Variants in PDCL2 observed in about 807,000 individuals in gnomAD.
The protein encoded by PDCL2 is phosducin like 2.
A neutral mutation model predicts 30.3 loss-of-function variants in PDCL2; 23 were observed. That is an observed-to-expected ratio of 0.76 (90% CI 0.55 to 1.08). The LOEUF is 1.08. Ranked by LOEUF, PDCL2 falls within the 50% of genes least tolerant of loss-of-function variation. The pLI, the probability that PDCL2 is intolerant of heterozygous loss-of-function variation, is 0.00. For missense variants in PDCL2, 243 were observed against 282.3 expected (o/e 0.86, Z 1.00); for synonymous variants, 68 against 86.2 (o/e 0.79, Z 1.17).
At position 55,578,705 on chromosome 4, in the gene PDCL2, T is replaced by C. The variant is rs940916931; in HGVS notation, c.218+2116A>G. Among the ~76,000 whole-genome samples, 7 of 152,252 alleles carry C rather than the reference T, an allele frequency of 4.6e-5. No individual in the cohort carries two copies. The East Asian group carries it at 1.4e-3, about 29-fold the overall frequency. ...GTGATATGTCCTTCTCAGTACAACA[T>C]ACCAGGGGTTACTTGATCACCTCCC... On this transcript the variant is annotated intron_variant, in intron 3 of 5. Transcript: ENST00000295645.
At position 55,562,425 on chromosome 4, in the gene PDCL2, C is replaced by T; in HGVS notation, c.550G>A (p.Gly184Arg). ...AKFIGIIECGGINLKLEELEW... is the reference protein window; with the variant it reads ...AKFIGIIECGRINLKLEELEW... ...TTACCTTCCAGCTTGAGATTTATCC[C>T]TCCACATTCTATAATTCCAATGAAT... The change falls in exon 5 of 6, where the codon GGG (glycine) becomes AGG (arginine). Residue 184 changes from glycine (G) to arginine (R), a missense_variant. Physicochemically the swap from Gly to Arg is moderately radical, Grantham distance 125. Coordinates refer to ENST00000295645, the MANE Select transcript of PDCL2 (RefSeq NM_152401.3). 4.1e-6 allele frequency: 6 copies of T among 1,445,816 alleles called. No individual in the cohort carries two copies. Among genetic ancestry groups the T allele is most frequent in the Non-Finnish European group, 5.5e-6 (6 of 1,094,390 alleles). The allele number at this position is 1,445,816 out of a possible 1,614,324, so 89.6% of individuals were successfully genotyped here. A position where few individuals can be genotyped will look rare whatever the true frequency, so the allele number is the denominator to read the frequency against.
chr4:55,575,511 G>A (rs1461161609), intron 3 of PDCL2, among the ~76,000 whole-genome samples: 3 of 152,158 alleles, frequency 2.0e-5, no homozygotes, highest in African/African-American at 7.2e-5. Context: ...AGAAATAATG[G>A]CTGAAAACTT....
At chr4:55,568,302 C>G (rs530727440) in intron 4 of PDCL2, among the ~76,000 whole-genome samples, 22 of 152,152 alleles carry the variant, frequency 1.4e-4, no homozygotes, top group Non-Finnish European at 2.5e-4. Flanking sequence ...TCCCCATTTA[C>G]TAGGCAAGAC....
At chr4:55,565,496 C>A (rs955642727) in intron 4 of PDCL2, among the ~76,000 whole-genome samples, 2 of 152,090 alleles carry the variant, frequency 1.3e-5, no homozygotes, top group Non-Finnish European at 2.9e-5. Flanking sequence ...GGAAAAGCCC[C>A]TTATAAAACC....
intron 4 of PDCL2, among the ~76,000 whole-genome samples, chr4:55,567,360 C>T (rs1328458316): frequency 6.6e-6 from 1 of 152,040 alleles, no homozygotes; most frequent in Non-Finnish European, 1.5e-5. Context: ...TAACAATACC[C>T]CATTTCTACA....
At chr4:55,574,718 T>C (rs1175898939) in intron 3 of PDCL2, among the ~76,000 whole-genome samples, 1 of 152,238 alleles carries the variant, frequency 6.6e-6, no homozygotes, top group Non-Finnish European at 1.5e-5. Flanking sequence ...TCTGTCTCTA[T>C]GACTTTTTGT....
chr4:55,569,659 C>CA, intron 4 of PDCL2, 59 bp downstream of exon 4: 1 of 1,367,002 alleles, frequency 7.3e-7, no homozygotes, highest in Non-Finnish European at 9.7e-7. Context: ...ACCTTAAAAC[C>CA]AAAAATATGT....
At chr4:55,575,546 T>C (rs1732543330) in intron 3 of PDCL2, among the ~76,000 whole-genome samples, 1 of 152,148 alleles carries the variant, frequency 6.6e-6, no homozygotes, top group Non-Finnish European at 1.5e-5. Flanking sequence ...AATACATTAA[T>C]CTATAAACTC....
chr4:55,566,210 G>A (rs1463853219), intron 4 of PDCL2, among the ~76,000 whole-genome samples: 9 of 151,554 alleles, frequency 5.9e-5, no homozygotes, highest in South Asian at 2.1e-4. Context: ...TCAAACTCCC[G>A]ACCTCAGGTG....
intron 4 of PDCL2, among the ~76,000 whole-genome samples, chr4:55,567,827 G>A (rs935259287): frequency 2.6e-5 from 4 of 152,130 alleles, no homozygotes; most frequent in African/African-American, 9.7e-5. Context: ...AAAGGTACTT[G>A]GGTTTAGTCT....
At chr4:55,565,943 T>C (rs1732251636) in intron 4 of PDCL2, among the ~76,000 whole-genome samples, 2 of 151,522 alleles carry the variant, frequency 1.3e-5, no homozygotes, top group Admixed American at 1.3e-4. Flanking sequence ...CTTTACAATA[T>C]TAAAAAGCTG....
intron 4 of PDCL2, among the ~76,000 whole-genome samples, chr4:55,562,927 A>AC (rs200304609): frequency 0.38 from 57,532 of 149,950 alleles, 11,966 homozygotes; most frequent in African/African-American, 0.53. Context: ...AAAAAAAAAA[A>AC]ACAGGACACT....
intron 5 of PDCL2, among the ~76,000 whole-genome samples, chr4:55,558,387 C>T (rs1331631008): frequency 2.0e-5 from 3 of 152,068 alleles, no homozygotes. Context: ...GGGGCTTTTT[C>T]CCCACTTCAC....
chr4:55,563,278 C>G (rs1299467332), intron 4 of PDCL2, among the ~76,000 whole-genome samples: 1 of 152,224 alleles, frequency 6.6e-6, no homozygotes, highest in African/African-American at 2.4e-5. Flanking sequence ...CTACTTTATT[C>G]CACATTCCTT....
At chr4:55,572,817 G>C (rs1732461770) in intron 3 of PDCL2, among the ~76,000 whole-genome samples, 1 of 152,140 alleles carries the variant, frequency 6.6e-6, no homozygotes, top group African/African-American at 2.4e-5. Flanking sequence ...CCGGAGTGCA[G>C]TGGGTGATCT....
At chr4:55,587,271 C>T (rs1030761852) in intron 1 of PDCL2, among the ~76,000 whole-genome samples, 2 of 142,288 alleles carry the variant, frequency 1.4e-5, no homozygotes, top group African/African-American at 5.2e-5. Flanking sequence ...GTAGCAAGCC[C>T]TTTTATAAGG....
At chr4:55,589,142 AGCCACCGCGCCCAGC>A (rs1284116429) in intron 1 of PDCL2, among the ~76,000 whole-genome samples, 2 of 152,178 alleles carry the variant, frequency 1.3e-5, no homozygotes, top group Non-Finnish European at 2.9e-5. Context: ...TACAGGCATG[AGCCACCGCGCCCAGC>A]CAGTACGGAT....
chr4:55,571,033 A>G (rs1159986281), intron 3 of PDCL2, among the ~76,000 whole-genome samples: 1 of 152,002 alleles, frequency 6.6e-6, no homozygotes, highest in African/African-American at 2.4e-5. Flanking sequence ...ACCCTCAATC[A>G]CTTCATTTAT....
intron 5 of PDCL2, among the ~76,000 whole-genome samples, chr4:55,556,977 G>A (rs1307993804): frequency 6.6e-6 from 1 of 152,188 alleles, no homozygotes; most frequent in Non-Finnish European, 1.5e-5. Context: ...GCAATTACAG[G>A]TGCACGCCAC....
Sources: gnomAD v4.1 joint callset for allele counts (sites outside exome capture counted in the v4.1 genomes callset) on GRCh38, gnomAD v4.1.1 for gene constraint, MANE v1.5 for transcripts, NCBI Gene and HGNC (gene_info 2026-07-23, HGNC 2026-07-21) for gene names.